Variants in ERP44 observed in about 807,000 individuals in gnomAD.
The protein encoded by ERP44 is endoplasmic reticulum resident protein 44.
Under a neutral mutation model 53.4 loss-of-function variants are expected in ERP44, and 25 were observed. That is an observed-to-expected ratio of 0.47 (90% CI 0.34 to 0.65). The LOEUF (loss-of-function observed/expected upper bound fraction) is 0.65. ERP44 is among the 30% of genes least tolerant of loss of function. The pLI is 0.01. For missense variants in ERP44, 338 were observed against 493.2 expected (o/e 0.69, Z 2.98); for synonymous variants, 145 against 161.2 (o/e 0.90, Z 0.76).
intron 4 of ERP44, among the ~76,000 whole-genome samples, chr9:100,039,598 T>A (rs150895532): frequency 0.014 from 2,103 of 151,990 alleles, 18 homozygotes; most frequent in Non-Finnish European, 0.022. Flanking sequence ...AATAACCTAA[T>A]GATACCTCTT....
chr9:100,020,423 A>C (rs1313352958), intron 6 of ERP44, among the ~76,000 whole-genome samples, 193 bp downstream of exon 6: 1 of 152,224 alleles, frequency 6.6e-6, no homozygotes, highest in Non-Finnish European at 1.5e-5. Flanking sequence ...TGAAATAGAT[A>C]ATACTACAGA....
chr9:100,098,635 G>A, intron 1 of ERP44, 149 bp downstream of exon 1: 1 of 612,832 alleles, frequency 1.6e-6, no homozygotes, highest in Non-Finnish European at 2.8e-6. Flanking sequence ...GAAGCCGACA[G>A]GCGAGAGTGA....
At chr9:100,039,310 C>CA (rs561795956) in intron 4 of ERP44, among the ~76,000 whole-genome samples, 2 of 152,068 alleles carry the variant, frequency 1.3e-5, no homozygotes, top group East Asian at 3.9e-4. Flanking sequence ...TTAAAACGTT[C>CA]AAAAAAATTG....
intron 4 of ERP44, among the ~76,000 whole-genome samples, chr9:100,034,803 C>A (rs1305350158): frequency 6.6e-6 from 1 of 152,112 alleles, no homozygotes; most frequent in African/African-American, 2.4e-5. Flanking sequence ...CCAGAGGCAT[C>A]GTATTACTGG....
chr9:100,086,591 CATT>C (rs1826486355), intron 1 of ERP44, among the ~76,000 whole-genome samples: 1 of 152,212 alleles, frequency 6.6e-6, no homozygotes, highest in African/African-American at 2.4e-5. Context: ...CCTTTACATA[CATT>C]ATATCTCAAT....
intron 10 of ERP44, among the ~76,000 whole-genome samples, chr9:99,987,389 A>T (rs1463485451): frequency 6.6e-6 from 1 of 152,232 alleles, no homozygotes; most frequent in African/African-American, 2.4e-5. Context: ...AATTGTTCTA[A>T]TTAGAACACC....
chr9:100,027,980 C>T (rs901330712), intron 4 of ERP44, among the ~76,000 whole-genome samples: 1 of 152,116 alleles, frequency 6.6e-6, no homozygotes, highest in South Asian at 2.1e-4. Flanking sequence ...ATAAGCAAAG[C>T]CTAGAAGTTC....
At chr9:100,067,334 G>C (rs1292642693) in intron 1 of ERP44, among the ~76,000 whole-genome samples, 8 of 152,214 alleles carry the variant, frequency 5.3e-5, no homozygotes, top group Non-Finnish European at 2.9e-5. Flanking sequence ...GCGACTGCAG[G>C]CGCGCGCCGC....
chr9:100,090,499 A>T (rs907558724), intron 1 of ERP44, among the ~76,000 whole-genome samples: 2 of 152,178 alleles, frequency 1.3e-5, no homozygotes, highest in African/African-American at 4.8e-5. Flanking sequence ...CTGTAATCCT[A>T]ACACTTTGGG....
intron 4 of ERP44, among the ~76,000 whole-genome samples, chr9:100,026,931 A>C (rs570724972): frequency 1.3e-5 from 2 of 152,224 alleles, no homozygotes; most frequent in African/African-American, 4.8e-5. Flanking sequence ...AGCAAGATGC[A>C]CTATAGGAGA....
chr9:100,080,206 GC>G (rs2118747223), intron 1 of ERP44, among the ~76,000 whole-genome samples: 1 of 152,194 alleles, frequency 6.6e-6, no homozygotes, highest in African/African-American at 2.4e-5. Context: ...AGCATCCCCG[GC>G]AGAATGGCCA....
chr9:100,042,969 G>GAATCAAT (rs1564096202), intron 4 of ERP44, among the ~76,000 whole-genome samples: 1 of 151,930 alleles, frequency 6.6e-6, no homozygotes, highest in African/African-American at 2.4e-5. Flanking sequence ...TAGTTTGAAA[G>GAATCAAT]AATCAATAGG....
chr9:99,999,497 G>A (rs957940477), intron 10 of ERP44, among the ~76,000 whole-genome samples: 1 of 152,112 alleles, frequency 6.6e-6, no homozygotes, highest in African/African-American at 2.4e-5. Context: ...TTTGAGAAAT[G>A]TTTATTCAGA....
At chr9:100,022,020 T>C (rs749494523) in intron 5 of ERP44, 22 bp downstream of exon 5, 1 of 1,596,876 alleles carries the variant, frequency 6.3e-7, no homozygotes, top group Non-Finnish European at 8.5e-7. Context: ...GTTTGTTTAA[T>C]CTAGCAAAAG....
intron 8 of ERP44, among the ~76,000 whole-genome samples, chr9:100,015,754 G>A (rs1830520072): frequency 6.6e-6 from 1 of 152,176 alleles, no homozygotes; most frequent in African/African-American, 2.4e-5. Flanking sequence ...TGATCAGGGT[G>A]GGGGATATGA....
Position 100,006,380 on chromosome 9 carries a change from T to C in ERP44, c.1016+126A>G, listed in dbSNP as rs529616415. On this transcript the variant is annotated intron_variant, in intron 10 of 11. Coordinates refer to ENST00000262455, the MANE Select transcript of ERP44 (RefSeq NM_015051.3). Reference sequence around the variant, plus strand: ...AAAAAAAGCAGCAGTCACCCAAACCTCTCCCATCCAGTTAACAAAGTCTTA... The same window carrying C: ...AAAAAAAGCAGCAGTCACCCAAACCCCTCCCATCCAGTTAACAAAGTCTTA... 125 of 682,746 alleles carry C rather than the reference T, an allele frequency of 1.8e-4. No individual in the cohort carries two copies. In the African/African-American group the frequency reaches 2.1e-3, roughly 11 times the overall value. 42.3% of individuals were successfully genotyped at this position (682,746 alleles called of 1,614,324 possible).
chr9:99,998,417 T>C, intron 10 of ERP44: 1 of 646,748 alleles, frequency 1.5e-6, no homozygotes, highest in Non-Finnish European at 2.8e-6. Context: ...CGGCCGGTCC[T>C]CGTTTGCCAG....
chr9:100,032,948 T>G (rs953485951), intron 4 of ERP44, among the ~76,000 whole-genome samples: 4 of 152,208 alleles, frequency 2.6e-5, no homozygotes, highest in Admixed American at 6.5e-5. Context: ...AAATAATCTT[T>G]TTTGACTTTT....
At chr9:100,053,565 TA>T (rs1236677332) in intron 3 of ERP44, among the ~76,000 whole-genome samples, 1 of 152,226 alleles carries the variant, frequency 6.6e-6, no homozygotes, top group Non-Finnish European at 1.5e-5. Flanking sequence ...CTACTGCTCC[TA>T]GGCTACAAAC....
Sources: allele counts gnomAD v4.1 joint callset (sites outside exome capture counted in the v4.1 genomes callset), GRCh38; gene constraint gnomAD v4.1.1; transcripts MANE v1.5; gene names NCBI Gene and HGNC (gene_info 2026-07-23, HGNC 2026-07-21).